The following FRYL variants were observed in gnomAD, a reference collection of about 807,000 sequenced individuals.
FRYL encodes protein furry homolog-like.
FRYL carries 150 observed loss-of-function variants against 351.2 expected under a neutral mutation model. That is an observed-to-expected ratio of 0.43 (90% confidence interval 0.37 to 0.49). The LOEUF is 0.49. Ranked by LOEUF, FRYL falls within the 20% of genes least tolerant of loss-of-function variation. The pLI is 0.00. For missense variants in FRYL, 3,036 were observed against 3,619.3 expected, an observed-to-expected ratio of 0.84 and a Z score of 4.13; for synonymous variants, 1,153 against 1,257.1, an observed-to-expected ratio of 0.92 and a Z score of 1.75.
At chr4:48,705,662 G>C (rs138307716) in intron 2 of FRYL, among the ~76,000 whole-genome samples, 66 of 151,546 alleles carry the variant, frequency 4.4e-4, no homozygotes, top group Admixed American at 2.4e-3. Context: ...ATAAAACAAA[G>C]TTACATTTTA....
chr4:48,521,629 T>A (rs1219268191), intron 54 of FRYL, among the ~76,000 whole-genome samples: 1 of 152,176 alleles, frequency 6.6e-6, no homozygotes, highest in Non-Finnish European at 1.5e-5. Flanking sequence ...GGATAAGACA[T>A]GTAATATGCA....
At chr4:48,503,397 G>A (rs1720165425) in intron 60 of FRYL, among the ~76,000 whole-genome samples, 1 of 152,138 alleles carries the variant, frequency 6.6e-6, no homozygotes, top group Non-Finnish European at 1.5e-5. Context: ...AACTGGTGCT[G>A]AGCCACAGGG....
At chr4:48,693,547 G>T (rs1345897660) in intron 2 of FRYL, among the ~76,000 whole-genome samples, 3 of 148,604 alleles carry the variant, frequency 2.0e-5, no homozygotes, top group Admixed American at 6.7e-5. Flanking sequence ...ATCTTTAAAA[G>T]AAGACATAAA....
chr4:48,563,922 A>C (rs1736140978), intron 31 of FRYL, 26 bp downstream of exon 31: 2 of 1,589,956 alleles, frequency 1.3e-6, no homozygotes, highest in South Asian at 1.2e-5. Context: ...GAACAAAATG[A>C]AACAAAAAAC....
chr4:48,590,953 A>G, intron 16 of FRYL, 123 bp from the exon 17 acceptor site: 1 of 677,916 alleles, frequency 1.5e-6, no homozygotes. Context: ...TAGAAGGAAC[A>G]CTAACCTTTC....
At chr4:48,754,597 C>A (rs1372424387) in intron 1 of FRYL, among the ~76,000 whole-genome samples, 2 of 152,028 alleles carry the variant, frequency 1.3e-5, no homozygotes, top group Admixed American at 6.6e-5. Context: ...TCCATTCCCA[C>A]AAGCAATGTG....
chr4:48,710,408 T>A (rs1163561190), intron 2 of FRYL, 111 bp downstream of exon 2: 3 of 367,280 alleles, frequency 8.2e-6, no homozygotes. Context: ...AAATCTGATG[T>A]TTTTGCCACT....
intron 50 of FRYL, 23 bp downstream of exon 50, chr4:48,531,133 T>C: frequency 7.0e-7 from 1 of 1,418,790 alleles, no homozygotes. Context: ...TAGAGTAACT[T>C]CATCAATTTC....
intron 7 of FRYL, 81 bp from the exon 8 acceptor site, chr4:48,609,904 C>A: frequency 1.6e-6 from 1 of 619,662 alleles, no homozygotes. Context: ...CTAATTAAAT[C>A]AATAATCAAT....
At chr4:48,605,382 T>C (rs1346268737) in intron 11 of FRYL, among the ~76,000 whole-genome samples, 3 of 152,220 alleles carry the variant, frequency 2.0e-5, no homozygotes, top group Non-Finnish European at 1.5e-5. Flanking sequence ...TGTTTAAAAA[T>C]GAAAGCCAAA....
chr4:48,614,682 A>G (rs1748980972), intron 7 of FRYL, among the ~76,000 whole-genome samples: 1 of 117,666 alleles, frequency 8.5e-6, no homozygotes, highest in Non-Finnish European at 1.6e-5. Flanking sequence ...AGATCAAACC[A>G]TTGCACACTA....
chr4:48,535,624 TAGTA>T (rs1728728029), intron 48 of FRYL, 29 bp downstream of exon 48: 1 of 1,357,356 alleles, frequency 7.4e-7, no homozygotes, highest in African/African-American at 1.5e-5. Flanking sequence ...CATATATATA[TAGTA>T]AATAAGAAAA....
At chr4:48,704,699 A>G (rs770215464) in intron 2 of FRYL, among the ~76,000 whole-genome samples, 47 of 152,142 alleles carry the variant, frequency 3.1e-4, no homozygotes, top group Admixed American at 3.9e-4. Flanking sequence ...CTTTAATCCC[A>G]GCACTTTGGG....
At chr4:48,518,408 T>C (rs1254089744) in intron 55 of FRYL, among the ~76,000 whole-genome samples, 1 of 152,202 alleles carries the variant, frequency 6.6e-6, no homozygotes, top group Non-Finnish European at 1.5e-5. Context: ...GCCTCTGCCT[T>C]AGAGACTTCA....
intron 3 of FRYL, among the ~76,000 whole-genome samples, chr4:48,651,214 G>A (rs1329244925): frequency 5.3e-4 from 1 of 1,882 alleles, no homozygotes; most frequent in East Asian, 0.17. Context: ...CACATGCACC[G>A]TGTGTGTGTG....
At chr4:48,599,202 C>T (rs1745206928) in intron 13 of FRYL, among the ~76,000 whole-genome samples, 1 of 152,020 alleles carries the variant, frequency 6.6e-6, no homozygotes, top group African/African-American at 2.4e-5. Context: ...AAAAAATCTC[C>T]AAATTATTTT....
intron 1 of FRYL, among the ~76,000 whole-genome samples, chr4:48,711,927 C>G (rs1324973014): frequency 1.3e-5 from 2 of 152,204 alleles, no homozygotes; most frequent in Non-Finnish European, 2.9e-5. Flanking sequence ...CGCTGCTCTG[C>G]AAACACCGCT....
intron 20 of FRYL, 138 bp from the exon 21 acceptor site, chr4:48,581,743 T>C: frequency 1.5e-6 from 1 of 652,562 alleles, no homozygotes; most frequent in South Asian, 2.4e-5. Context: ...AAATCGCATG[T>C]ATTTTATAAA....
At chr4:48,586,884 A>G (rs1440603872) in intron 18 of FRYL, among the ~76,000 whole-genome samples, 156 bp from the exon 19 acceptor site, 2 of 152,146 alleles carry the variant, frequency 1.3e-5, no homozygotes, top group East Asian at 3.8e-4. Context: ...GATAATTATT[A>G]GCCTATATAT....
Sources: allele counts gnomAD v4.1 joint callset (sites outside exome capture counted in the v4.1 genomes callset), GRCh38; gene constraint gnomAD v4.1.1; transcripts MANE v1.5; gene names NCBI Gene and HGNC (gene_info 2026-07-23, HGNC 2026-07-21).